The following KCNT2 variants were observed in gnomAD, a reference collection of about 807,000 sequenced individuals.
KCNT2 encodes the protein potassium sodium-activated channel subfamily T member 2, also known as potassium channel subfamily T member 2.
In KCNT2, 67 loss-of-function variants were observed where a neutral mutation model predicts 153.8. The observed-to-expected ratio is 0.44, with a 90% CI of 0.36 to 0.53. KCNT2 has a LOEUF of 0.53. KCNT2 is among the 20% of genes least tolerant of loss of function. The pLI is 0.00. For missense variants in KCNT2, 975 were observed against 1,354.8 expected (o/e 0.72, Z 4.40); for synonymous variants, 500 against 458.8 (o/e 1.09, Z -1.15).
At chr1:196,314,256 A>G (rs1163425113) in intron 21 of KCNT2, among the ~76,000 whole-genome samples, 1 of 151,564 alleles carries the variant, frequency 6.6e-6, no homozygotes, top group Non-Finnish European at 1.5e-5. Context: ...AATTAAAAAG[A>G]CCTAGGATCC....
chr1:196,583,740 G>A (rs1662336919), intron 1 of KCNT2, among the ~76,000 whole-genome samples: 1 of 151,928 alleles, frequency 6.6e-6, no homozygotes, highest in African/African-American at 2.4e-5. Context: ...ATTGGACCTG[G>A]CATGAAAAAG....
intron 10 of KCNT2, among the ~76,000 whole-genome samples, chr1:196,426,912 C>T (rs1190434805): frequency 1.3e-5 from 2 of 151,960 alleles, no homozygotes; most frequent in Non-Finnish European, 2.9e-5. Context: ...ACCTGCTTCC[C>T]TTTCGCATTA....
intron 8 of KCNT2, among the ~76,000 whole-genome samples, chr1:196,459,742 G>A (rs1207412806): frequency 6.6e-6 from 1 of 151,800 alleles, no homozygotes; most frequent in Non-Finnish European, 1.5e-5. Context: ...CAGAAGTGAG[G>A]GATTCCTTCA....
intron 1 of KCNT2, among the ~76,000 whole-genome samples, chr1:196,605,904 T>C (rs1292016985): frequency 6.6e-6 from 1 of 152,114 alleles, no homozygotes; most frequent in East Asian, 1.9e-4. Flanking sequence ...ATAAATTAAG[T>C]GAAAAGAACT....
chr1:196,577,083 T>C (rs1446849697), intron 1 of KCNT2, among the ~76,000 whole-genome samples: 1 of 152,170 alleles, frequency 6.6e-6, no homozygotes, highest in African/African-American at 2.4e-5. Flanking sequence ...ATTAACTGTT[T>C]ATGAAAATAT....
At chr1:196,570,101 A>T (rs975088403) in intron 1 of KCNT2, among the ~76,000 whole-genome samples, 1 of 147,336 alleles carries the variant, frequency 6.8e-6, no homozygotes, top group African/African-American at 2.5e-5. Flanking sequence ...AAAAAAAATT[A>T]AAGGCCTTTG....
At chr1:196,582,019 A>G (rs754641411) in intron 1 of KCNT2, among the ~76,000 whole-genome samples, 1 of 152,126 alleles carries the variant, frequency 6.6e-6, no homozygotes, top group South Asian at 2.1e-4. Context: ...AAGTCTTATC[A>G]TATATTTCAA....
intron 25 of KCNT2, among the ~76,000 whole-genome samples, chr1:196,263,378 A>T (rs1434661142): frequency 2.0e-5 from 3 of 152,074 alleles, no homozygotes; most frequent in Admixed American, 6.6e-5. Context: ...CAGCAAACTA[A>T]CATAAGAACA....
intron 1 of KCNT2, among the ~76,000 whole-genome samples, chr1:196,593,020 C>T (rs963134714): frequency 4.0e-5 from 6 of 150,288 alleles, no homozygotes; most frequent in African/African-American, 1.5e-4. Context: ...TTGGTGCACC[C>T]ATCACCCAAG....
At chr1:196,291,992 A>G (rs1261131784) in intron 22 of KCNT2, among the ~76,000 whole-genome samples, 15 of 152,210 alleles carry the variant, frequency 9.9e-5, no homozygotes, top group Non-Finnish European at 1.5e-5. Context: ...TAACATAGTA[A>G]GTAATCTAAA....
intron 14 of KCNT2, among the ~76,000 whole-genome samples, chr1:196,355,048 TG>T (rs1667058401): frequency 6.6e-6 from 1 of 151,820 alleles, no homozygotes; most frequent in Admixed American, 6.6e-5. Context: ...TACGGGGGTA[TG>T]TGGGGTACAC....
Position 196,228,341 on chromosome 1 carries a change from A to C in KCNT2, c.3297-6T>G. ...GATCTGGTCGAATTAAGTATCTAAT[A>C]AAAGAAAACAAAATAAATAACTTTG... On this transcript the variant is annotated splice_polypyrimidine_tract_variant and splice_region_variant and intron_variant, in intron 27 of 27. Transcript: ENST00000294725. The C allele has an allele frequency of 6.9e-7, 1 of 1,447,406 alleles. No individual in the cohort carries two copies. Among genetic ancestry groups the C allele is most frequent in the Non-Finnish European group, 9.7e-7 (1 of 1,036,044 alleles). The allele number at this position is 1,447,406 out of a possible 1,614,324, so 89.7% of individuals were successfully genotyped here.
intron 26 of KCNT2, among the ~76,000 whole-genome samples, chr1:196,252,171 A>G (rs1656035890): frequency 6.6e-6 from 1 of 151,390 alleles, no homozygotes; most frequent in African/African-American, 2.4e-5. Context: ...TAATCATTCC[A>G]TTTTATTTGC....
At chr1:196,573,477 C>A (rs1177492970) in intron 1 of KCNT2, among the ~76,000 whole-genome samples, 1 of 151,946 alleles carries the variant, frequency 6.6e-6, no homozygotes, top group East Asian at 1.9e-4. Flanking sequence ...TTTCTAATCA[C>A]GCCAGGAGAA....
intron 26 of KCNT2, among the ~76,000 whole-genome samples, chr1:196,246,660 T>A (rs1655476697): frequency 6.6e-6 from 1 of 152,142 alleles, no homozygotes; most frequent in Non-Finnish European, 1.5e-5. Context: ...GTTACTTTTC[T>A]CTTTACTTGT....
intron 13 of KCNT2, among the ~76,000 whole-genome samples, chr1:196,394,702 A>G (rs1472707143): frequency 2.0e-5 from 3 of 151,530 alleles, no homozygotes; most frequent in Non-Finnish European, 4.4e-5. Flanking sequence ...AGAAAGAAAA[A>G]AAAACTCTTT....
chr1:196,290,238 T>C (rs1660062092), intron 22 of KCNT2, among the ~76,000 whole-genome samples: 1 of 152,078 alleles, frequency 6.6e-6, no homozygotes, highest in South Asian at 2.1e-4. Context: ...TCAGCATTCA[T>C]CCTACTTGAA....
intron 25 of KCNT2, among the ~76,000 whole-genome samples, chr1:196,265,166 A>C (rs2147805828): frequency 6.6e-6 from 1 of 152,280 alleles, no homozygotes; most frequent in South Asian, 2.1e-4. Context: ...GGTAGTCTTA[A>C]CAACTGGCAC....
At chr1:196,314,565 T>G (rs564729688) in intron 21 of KCNT2, among the ~76,000 whole-genome samples, 1 of 151,746 alleles carries the variant, frequency 6.6e-6, no homozygotes, top group Non-Finnish European at 1.5e-5. Context: ...GAGGTTCTTA[T>G]GCAAATTCAG....
Sources: allele counts gnomAD v4.1 joint callset (sites outside exome capture counted in the v4.1 genomes callset), GRCh38; gene constraint gnomAD v4.1.1; transcripts MANE v1.5; gene names NCBI Gene and HGNC (gene_info 2026-07-23, HGNC 2026-07-21).